Variants in ALK observed in about 807,000 individuals in gnomAD.
The protein encoded by ALK is ALK tyrosine kinase receptor.
In ALK, 74 loss-of-function variants were observed where a neutral mutation model predicts 163.1. The observed-to-expected ratio is 0.45, with a 90% CI of 0.38 to 0.55. The LOEUF is 0.55. Among genes scored for constraint, ALK ranks in the 20% least tolerant of loss-of-function variants. ALK has a pLI of 0.00. For missense variants in ALK, 2,063 were observed against 2,105.3 expected (o/e 0.98, Z 0.39); for synonymous variants, 960 against 843.2 (o/e 1.14, Z -2.40).
chr2:29,255,925 C>T (rs753315722), intron 11 of ALK, among the ~76,000 whole-genome samples: 1 of 152,118 alleles, frequency 6.6e-6, no homozygotes, highest in Non-Finnish European at 1.5e-5. Context: ...TAATTATTTC[C>T]ACATCCTTGC....
intron 1 of ALK, among the ~76,000 whole-genome samples, chr2:29,803,661 TTGAC>T (rs1224510446): frequency 2.6e-5 from 4 of 152,242 alleles, no homozygotes; most frequent in Non-Finnish European, 5.9e-5. Context: ...GAGAAATAAA[TTGAC>T]TGCACCAGGG....
At chr2:29,804,651 G>A (rs964522980) in intron 1 of ALK, among the ~76,000 whole-genome samples, 3 of 152,178 alleles carry the variant, frequency 2.0e-5, no homozygotes, top group Non-Finnish European at 2.9e-5. Context: ...GGTGATACCA[G>A]GGCTGGCGTC....
In ALK at chr2:29,197,403, C is replaced by A. The variant is rs1286202933; in HGVS notation, c.4073+139G>T. The stretch of plus-strand genomic sequence containing the variant: ...GCATCCATCTCACTGAAGTCGCAGT[C>A]ACATTCGCATCTTGGGGCATATTAA... On this transcript the variant is annotated intron_variant, in intron 27 of 28. Coordinates refer to ENST00000389048, the MANE Select transcript of ALK (RefSeq NM_004304.5). 3.1e-6 allele frequency: 4 copies of A among 1,295,650 alleles called. No homozygotes were observed. In the African/African-American group the frequency reaches 5.9e-5, roughly 19 times the overall value. The allele number at this position is 1,295,650 out of a possible 1,614,324, so 80.3% of individuals were successfully genotyped here. A position where few individuals can be genotyped will look rare whatever the true frequency, so the allele number is the denominator to read the frequency against.
Position 29,223,228 on chromosome 2 carries a change from C to T in ALK, c.3359+114G>A, listed in dbSNP as rs1006174163. Reference sequence around the variant, plus strand: ...TGTCCTCCTAGGAGGGCTAGGGGTGCCCATAGGGAGGGCTCTGCCGGCCTT... The same window carrying T: ...TGTCCTCCTAGGAGGGCTAGGGGTGTCCATAGGGAGGGCTCTGCCGGCCTT... On this transcript the variant is annotated intron_variant, in intron 20 of 28. Coordinates refer to ENST00000389048, the MANE Select transcript of ALK (RefSeq NM_004304.5). 23 of 1,140,076 alleles carry T rather than the reference C, an allele frequency of 2.0e-5. No homozygotes were observed. The African/African-American group carries it at 3.0e-4, about 15-fold the overall frequency. The allele number at this position is 1,140,076 out of a possible 1,614,324, so 70.6% of individuals were successfully genotyped here. A position where few individuals can be genotyped will look rare whatever the true frequency, so the allele number is the denominator to read the frequency against.
intron 1 of ALK, among the ~76,000 whole-genome samples, chr2:29,740,765 G>T (rs1251668432): frequency 6.6e-6 from 1 of 152,224 alleles, no homozygotes. Context: ...ACTTTGGGAG[G>T]CCAAGGTGGG....
At chr2:29,610,518 C>T (rs1447467769) in intron 3 of ALK, among the ~76,000 whole-genome samples, 1 of 152,100 alleles carries the variant, frequency 6.6e-6, no homozygotes, top group Non-Finnish European at 1.5e-5. Context: ...CACGGCTGGC[C>T]TGATAAATCT....
chr2:29,362,153 C>T (rs1337240762), intron 5 of ALK, among the ~76,000 whole-genome samples: 3 of 151,894 alleles, frequency 2.0e-5, no homozygotes, highest in African/African-American at 7.3e-5. Context: ...CAGGAAGAAT[C>T]GAAGAGAACA....
intron 3 of ALK, among the ~76,000 whole-genome samples, chr2:29,543,298 T>C (rs781580665): frequency 9.8e-5 from 15 of 152,344 alleles, no homozygotes; most frequent in Middle Eastern, 6.8e-3. Context: ...ACATGTTGAG[T>C]GATCATTGAT....
chr2:29,194,803 TTAAC>T (rs1359695962), intron 28 of ALK, among the ~76,000 whole-genome samples: 3 of 152,034 alleles, frequency 2.0e-5, no homozygotes, highest in African/African-American at 4.8e-5. Flanking sequence ...CAGGCATTCT[TTAAC>T]TAGTCTGGAT....
At chr2:29,484,939 A>G (rs902713497) in intron 4 of ALK, among the ~76,000 whole-genome samples, 5 of 152,194 alleles carry the variant, frequency 3.3e-5, no homozygotes, top group Non-Finnish European at 1.5e-5. Context: ...CCTTTAAAAA[A>G]TATTCTACTA....
chr2:29,576,437 C>T (rs769594468), intron 3 of ALK, among the ~76,000 whole-genome samples: 2 of 152,244 alleles, frequency 1.3e-5, no homozygotes, highest in Non-Finnish European at 2.9e-5. Context: ...CAAATGCCCT[C>T]AACTGTCAAT....
intron 4 of ALK, among the ~76,000 whole-genome samples, chr2:29,479,839 C>A (rs952560477): frequency 3.2e-4 from 49 of 152,158 alleles, no homozygotes; most frequent in Non-Finnish European, 5.3e-4. Context: ...AGATAACATT[C>A]TTCTCAGGGG....
intron 3 of ALK, among the ~76,000 whole-genome samples, chr2:29,666,491 A>G (rs1465297109): frequency 1.3e-5 from 2 of 152,138 alleles, no homozygotes; most frequent in African/African-American, 4.8e-5. Flanking sequence ...ATTCTAGACC[A>G]GTACTCATTA....
chr2:29,724,592 G>A (rs2148312834), intron 1 of ALK, among the ~76,000 whole-genome samples: 1 of 152,276 alleles, frequency 6.6e-6, no homozygotes, highest in Non-Finnish European at 1.5e-5. Context: ...ACAGAGATGT[G>A]ATTTCAGAGA....
At chr2:29,619,288 C>G (rs1012142698) in intron 3 of ALK, among the ~76,000 whole-genome samples, 5 of 152,206 alleles carry the variant, frequency 3.3e-5, no homozygotes, top group African/African-American at 9.6e-5. Flanking sequence ...TCCAGTATGG[C>G]CTTGAGATGT....
At chr2:29,908,261 G>A (rs1237794250) in intron 1 of ALK, among the ~76,000 whole-genome samples, 2 of 149,554 alleles carry the variant, frequency 1.3e-5, no homozygotes, top group African/African-American at 5.0e-5. Flanking sequence ...CTCTGCTCTG[G>A]CTGGTTCTAC....
chr2:29,566,733 T>G (rs1177530825), intron 3 of ALK, among the ~76,000 whole-genome samples: 1 of 152,168 alleles, frequency 6.6e-6, no homozygotes, highest in Non-Finnish European at 1.5e-5. Flanking sequence ...AAAAGATAAT[T>G]GGAAACAGCT....
At chr2:29,575,979 T>TA (rs1674515636) in intron 3 of ALK, among the ~76,000 whole-genome samples, 1 of 152,130 alleles carries the variant, frequency 6.6e-6, no homozygotes, top group Admixed American at 6.5e-5. Flanking sequence ...ACTGTGCACC[T>TA]CCTGAGCCTC....
intron 1 of ALK, among the ~76,000 whole-genome samples, chr2:29,748,811 T>A (rs1680276649): frequency 1.3e-5 from 2 of 152,082 alleles, no homozygotes; most frequent in East Asian, 3.9e-4. Flanking sequence ...AGTGGCACGA[T>A]CAAGGCTCAC....
Sources: allele counts gnomAD v4.1 joint callset (sites outside exome capture counted in the v4.1 genomes callset), GRCh38; gene constraint gnomAD v4.1.1; transcripts MANE v1.5; gene names NCBI Gene and HGNC (gene_info 2026-07-23, HGNC 2026-07-21).